The following TNRC6C variants were observed in gnomAD, a reference collection of about 807,000 sequenced individuals.
The protein encoded by TNRC6C is trinucleotide repeat containing adaptor 6C.
Under a neutral mutation model 153.7 loss-of-function variants are expected in TNRC6C, and 20 were observed. The observed-to-expected ratio is 0.13, with a 90% CI of 0.09 to 0.19. The LOEUF (loss-of-function observed/expected upper bound fraction) is 0.19, where lower values mean the gene tolerates loss of function less well. Among genes scored for constraint, TNRC6C ranks in the 10% least tolerant of loss-of-function variants. TNRC6C has a pLI of 1.00. For synonymous variants in TNRC6C, 811 were observed against 841.4 expected (o/e 0.96, Z 0.63); for missense variants, 1,987 against 2,172.0 (o/e 0.91, Z 1.69).
intron 1 of TNRC6C, among the ~76,000 whole-genome samples, chr17:77,985,684 C>A (rs1460508492): frequency 6.6e-6 from 1 of 152,040 alleles, no homozygotes; most frequent in Non-Finnish European, 1.5e-5. Context: ...ACCTCTAAAC[C>A]CAAATTTAAA....
upstream of TNRC6C, among the ~76,000 whole-genome samples, chr17:78,001,768 T>A (rs1220660577): frequency 6.6e-6 from 1 of 151,948 alleles, no homozygotes; most frequent in Admixed American, 6.6e-5. Flanking sequence ...TAGGTGGTTT[T>A]AACGTGGGTC....
chr17:78,104,849 C>T lies in TNRC6C; in HGVS notation c.*4C>T, dbSNP rs373292463. Reference sequence around the variant, plus strand: ...GCTCAGCGGGGAGTCCCTGTAGGCTCTGCCATCATCAGCACCAGGAGAGCC... The same window carrying T: ...GCTCAGCGGGGAGTCCCTGTAGGCTTTGCCATCATCAGCACCAGGAGAGCC... On this transcript the variant is annotated 3_prime_UTR_variant, in exon 20 of 20. Coordinates refer to ENST00000301624, the Ensembl canonical transcript of TNRC6C. This position sits in a 1 kb window ranked among gnomAD's most constrained non-coding sequence, Gnocchi z 6.2. The T allele has an allele frequency of 1.5e-5, 21 of 1,413,304 alleles. No homozygotes were observed. The African/African-American group carries it at 2.9e-4, about 19-fold the overall frequency. The allele number at this position is 1,413,304 out of a possible 1,614,324, so 87.5% of individuals were successfully genotyped here.
Position 78,049,194 on chromosome 17 carries a change from T to C in TNRC6C, c.132T>C (p.Ser44=), listed in dbSNP as rs201333824. 1.8e-5 allele frequency: 29 copies of C among 1,613,106 alleles called. No homozygotes were observed. In the African/African-American group the frequency reaches 2.5e-4, roughly 14 times the overall value. Residue 44 remains serine, a synonymous_variant, in exon 3 of 20, where the codon AGT becomes AGC. Transcript: ENST00000301624. The surrounding 1 kb of genome is among the most constrained non-coding windows in gnomAD (Gnocchi z 4.1). ...CCCTTGGAGCAGGGGGAGCGAACAG[T>C]AATGGAAGTGCGGCCAGAGTGTGGG...
intron 14 of TNRC6C, among the ~76,000 whole-genome samples, chr17:78,092,315 G>A (rs2073408167): frequency 6.6e-6 from 1 of 152,164 alleles, no homozygotes; most frequent in South Asian, 2.1e-4. Flanking sequence ...TAGCAGGAGG[G>A]CTCTGCTGCC....
At chr17:78,052,516 G>T (rs183379136) in intron 3 of TNRC6C, among the ~76,000 whole-genome samples, 82 of 152,336 alleles carry the variant, frequency 5.4e-4, no homozygotes, top group African/African-American at 1.9e-3. Context: ...GTAGTGTTGG[G>T]CAGTGATGGT....
At chr17:78,057,725 T>G (rs1447698229) in intron 3 of TNRC6C, among the ~76,000 whole-genome samples, 1 of 152,202 alleles carries the variant, frequency 6.6e-6, no homozygotes, top group African/African-American at 2.4e-5. Context: ...TTTATAGAAT[T>G]TTCACTTATG....
chr17:78,006,148 G>A (rs2071491573), intron 1 of TNRC6C, among the ~76,000 whole-genome samples: 1 of 152,178 alleles, frequency 6.6e-6, no homozygotes, highest in South Asian at 2.1e-4. Context: ...ATCTCCTAGT[G>A]TGAATTAAGA....
chr17:78,049,582 G>A lies in TNRC6C; in HGVS notation c.520G>A (p.Ala174Thr), dbSNP rs200226260. 1.4e-4 allele frequency: 234 copies of A among 1,613,882 alleles called. 1 individual carries two copies. The highest frequency in any genetic ancestry group is 3.3e-4 in the Middle Eastern group (2 of 6,062). ...CACTTCTCAGAATGTGTCTTTCAGC[G>A]CACAACCTCAGAACCTTAACACTGA... Residue 174 changes from alanine (A) to threonine (T), a missense_variant, in exon 3 of 20, where the codon GCA (alanine) becomes ACA (threonine). Physicochemically the swap from Ala to Thr is moderately conservative, Grantham distance 58. This residue lies in a region of TNRC6C where 1,052 missense variants were observed against 1,017.0 expected (regional missense o/e 1.03). Transcript: ENST00000301624. The surrounding 1 kb of genome is among the most constrained non-coding windows in gnomAD (Gnocchi z 4.1).
At chr17:78,059,289 A>G (rs2072718445) in intron 3 of TNRC6C, among the ~76,000 whole-genome samples, 1 of 152,252 alleles carries the variant, frequency 6.6e-6, no homozygotes, top group Non-Finnish European at 1.5e-5. Flanking sequence ...AAGAGAAATT[A>G]TCTGAGTGAT....
At chr17:78,067,519 T>A (rs1250017480) in intron 4 of TNRC6C, among the ~76,000 whole-genome samples, 1 of 152,132 alleles carries the variant, frequency 6.6e-6, no homozygotes, top group Non-Finnish European at 1.5e-5. Flanking sequence ...TTAAGGAAGT[T>A]TAGAACAGCA....
exon 3 of TNRC6C, chr17:78,050,603 C>G (rs1421371197): frequency 6.3e-7 from 1 of 1,583,230 alleles, no homozygotes; most frequent in Admixed American, 1.8e-5. Flanking sequence ...AACGCGCCAC[C>G]TGCCGCTGTG....
chr17:78,020,273 CGTG>C (rs1400665735), intron 1 of TNRC6C, among the ~76,000 whole-genome samples: 2 of 152,194 alleles, frequency 1.3e-5, no homozygotes, highest in African/African-American at 4.8e-5. Context: ...AGAACAAGTA[CGTG>C]GGTAAACTGA....
exon 20 of TNRC6C, chr17:78,106,544 AAAC>A (rs1462782944): frequency 6.6e-6 from 1 of 151,400 alleles, no homozygotes; most frequent in Non-Finnish European, 1.5e-5. Flanking sequence ...AAACAAAACA[AAAC>A]AAAAAAATGA....
At chr17:77,994,743 TA>T (rs563289792) in intron 1 of TNRC6C, among the ~76,000 whole-genome samples, 8 of 148,010 alleles carry the variant, frequency 5.4e-5, no homozygotes, top group East Asian at 3.9e-4. Flanking sequence ...CCATGAAGTT[TA>T]AAAAAAAAAC....
At chr17:78,036,769 C>T (rs996634701) in intron 2 of TNRC6C, among the ~76,000 whole-genome samples, 7 of 151,692 alleles carry the variant, frequency 4.6e-5, no homozygotes, top group Non-Finnish European at 8.8e-5. Context: ...ACTAAAAATA[C>T]AAAAATTAGC....
intron 7 of TNRC6C, among the ~76,000 whole-genome samples, chr17:78,074,881 G>A (rs1032891620): frequency 5.3e-5 from 8 of 152,330 alleles, no homozygotes; most frequent in East Asian, 1.9e-4. Context: ...GATAGAGGGC[G>A]GCAGGGCCAG....
intron 1 of TNRC6C, among the ~76,000 whole-genome samples, chr17:78,029,945 A>G (rs1953543265): frequency 6.6e-6 from 1 of 152,146 alleles, no homozygotes; most frequent in African/African-American, 2.4e-5. Context: ...TCCTGTGATA[A>G]CAATGACTTC....
Position 78,098,339 on chromosome 17 carries a change from C to G in TNRC6C, c.4307-4C>G. On this transcript the variant is annotated splice_region_variant and splice_polypyrimidine_tract_variant and intron_variant, in intron 16 of 19. Coordinates refer to ENST00000301624, the Ensembl canonical transcript of TNRC6C. ...GCATATGCTCCATCTCTCTGCCTTT[C>G]TAGGTAAACTGTCAGACATCAAATC... 1 of 1,606,842 alleles carries G rather than the reference C, an allele frequency of 6.2e-7. No individual in the cohort carries two copies. The highest frequency in any genetic ancestry group is 8.5e-7 in the Non-Finnish European group (1 of 1,176,110).
At chr17:78,027,895 A>T (rs2071973371) in intron 1 of TNRC6C, among the ~76,000 whole-genome samples, 2 of 150,384 alleles carry the variant, frequency 1.3e-5, no homozygotes, top group Non-Finnish European at 2.9e-5. Context: ...AGTGACAGAA[A>T]CTTGGAGGTT....
Sources: gnomAD v4.1 joint callset for allele counts (sites outside exome capture counted in the v4.1 genomes callset) on GRCh38, gnomAD v4.1.1 for gene constraint, gnomAD v4.1.1 regional missense constraint, Gnocchi (gnomAD v3.1) non-coding constraint, MANE v1.5 for transcripts, NCBI Gene and HGNC (gene_info 2026-07-23, HGNC 2026-07-21) for gene names.